ZC3HC1: variants seen among roughly 807,000 people sequenced by gnomAD.
ZC3HC1 encodes zinc finger C3HC-type containing 1, also known as zinc finger C3HC-type protein 1.
Under a neutral mutation model 61.9 loss-of-function variants are expected in ZC3HC1, and 38 were observed. The ratio of observed to expected loss-of-function variants is 0.61; its 90% CI spans 0.47 to 0.81. ZC3HC1 has a LOEUF of 0.81. Among genes scored for constraint, ZC3HC1 ranks in the 30% least tolerant of loss-of-function variants. The pLI, the probability that ZC3HC1 is intolerant of heterozygous loss-of-function variation, is 0.00. For missense variants in ZC3HC1, 554 were observed against 622.7 expected (o/e 0.89, Z 1.17); for synonymous variants, 213 against 229.9 (o/e 0.93, Z 0.67).
rs115613890 is a variant in ZC3HC1, at chr7:130,022,917, C to T, written c.1234-392G>A. The T allele has an allele frequency of 8.2e-4, 229 of 279,876 alleles. 2 individuals carry two copies. Among genetic ancestry groups the T allele is most frequent in the African/African-American group, 5.1e-3 (221 of 43,132 alleles). The allele number at this position is 279,876 out of a possible 1,614,324, so 17.3% of individuals were successfully genotyped here. A position where few individuals can be genotyped will look rare whatever the true frequency, so the allele number is the denominator to read the frequency against. Reference sequence around the variant, plus strand: ...CATTAGATTCTTATAGGAGCAGGAACCCTACTGTGAACTGCACATGAGAGG... The same window carrying T: ...CATTAGATTCTTATAGGAGCAGGAATCCTACTGTGAACTGCACATGAGAGG... On this transcript the variant is annotated intron_variant, in intron 8 of 9. Transcript: ENST00000358303.
At chr7:130,028,163 CAAAAAAAAAAAAAAAAAAAAAAA>C (rs58430072) in intron 5 of ZC3HC1, among the ~76,000 whole-genome samples, 6 of 34,092 alleles carry the variant, frequency 1.8e-4, no homozygotes, top group Admixed American at 1.1e-3. Context: ...GACTCTGTCT[CAAAAAAAAAAAAAAAAAAAAAAA>C]AAAAAAAAAA....
rs1352994120 is a variant in ZC3HC1, at chr7:130,051,300, G to A, written c.67C>T (p.Arg23Cys). The change falls in exon 1 of 10, where the codon CGC becomes TGC. Residue 23 changes from arginine (R) to cysteine (C), a missense_variant. By Grantham distance (180) the Arg-to-Cys change is radical. Coordinates refer to ENST00000358303, the MANE Select transcript of ZC3HC1 (RefSeq NM_016478.5). ...TTCTGGGGGGTCCCTTCTGGGGAGC[G>A]AACTACTGCACCCCAATTCTTTTCA... ...GVEKNWGAVVRSPEGTPQKIR... is the reference protein window; with the variant it reads ...GVEKNWGAVVCSPEGTPQKIR... The A allele has an allele frequency of 6.2e-7, 1 of 1,612,774 alleles. No individual in the cohort carries two copies. The highest frequency in any genetic ancestry group is 8.5e-7 in the Non-Finnish European group (1 of 1,179,486).
At chr7:130,049,670 C>T (rs573663095) in intron 1 of ZC3HC1, among the ~76,000 whole-genome samples, 2 of 151,306 alleles carry the variant, frequency 1.3e-5, no homozygotes, top group African/African-American at 4.8e-5. Flanking sequence ...TCGGCCTCCC[C>T]AGTAGCTGGG....
intron 1 of ZC3HC1, chr7:130,050,368 G>A (rs1795030085): frequency 1.3e-6 from 2 of 1,496,976 alleles, no homozygotes; most frequent in Non-Finnish European, 8.9e-7. Flanking sequence ...GTGAGCCACC[G>A]CGCCCGGCGA....
chr7:130,039,436 G>A, intron 4 of ZC3HC1, 28 bp downstream of exon 4: 1 of 1,570,336 alleles, frequency 6.4e-7, no homozygotes, highest in Non-Finnish European at 8.7e-7. Context: ...AGGAAAAATG[G>A]TGAACAGGAA....
rs1369926516 is a variant in ZC3HC1 at position 130,022,697 on chromosome 7, C to T, written c.1234-172G>A. 2.0e-5 allele frequency among the ~76,000 whole-genome samples: 3 copies of T among 152,110 alleles called. 1 individual carries two copies. The highest frequency in any genetic ancestry group is 4.4e-5 in the Non-Finnish European group (3 of 68,034). On this transcript the variant is annotated intron_variant, in intron 8 of 9. Transcript: ENST00000358303. ...TCCTCTCATTTTCTTTATTTTTTCA[C>T]TCCTTTTGTGTTAAACAAACTATAC...
At chr7:130,040,445 G>T (rs924595326) in intron 3 of ZC3HC1, among the ~76,000 whole-genome samples, 1 of 127,886 alleles carries the variant, frequency 7.8e-6, no homozygotes, top group South Asian at 2.5e-4. Context: ...AGTGAGCCAA[G>T]ATCGCACCAC....
At chr7:130,029,433 T>C (rs1384164730) in intron 4 of ZC3HC1, among the ~76,000 whole-genome samples, 7 of 152,094 alleles carry the variant, frequency 4.6e-5, no homozygotes, top group African/African-American at 1.7e-4. Flanking sequence ...TGAGGAAATA[T>C]AGTAAAATTG....
At chr7:130,047,365 G>C (rs1302797389) in intron 2 of ZC3HC1, among the ~76,000 whole-genome samples, 2 of 152,132 alleles carry the variant, frequency 1.3e-5, no homozygotes, top group African/African-American at 2.4e-5. Context: ...TAAAGTGCTA[G>C]GATTACAGGC....
intron 2 of ZC3HC1, chr7:130,045,209 G>C (rs531393523): frequency 5.6e-6 from 1 of 177,696 alleles, no homozygotes; most frequent in Non-Finnish European, 1.2e-5. Flanking sequence ...CATCACTTTG[G>C]TGGCTTACTT....
chr7:130,018,777 G>C (rs1309197984), intron 9 of ZC3HC1, 45 bp from the exon 10 acceptor site: 1 of 1,523,464 alleles, frequency 6.6e-7, no homozygotes, highest in African/African-American at 1.4e-5. Context: ...TTCTTTTATA[G>C]AGACAAAGGA....
At chr7:130,042,985 TCA>T (rs1355741495) in intron 2 of ZC3HC1, among the ~76,000 whole-genome samples, 1 of 152,128 alleles carries the variant, frequency 6.6e-6, no homozygotes, top group African/African-American at 2.4e-5. Flanking sequence ...TCGCCCAGCT[TCA>T]GTTTTTAATA....
chr7:130,043,855 G>C (rs1794770476), intron 2 of ZC3HC1: 1 of 455,972 alleles, frequency 2.2e-6, no homozygotes, highest in African/African-American at 2.0e-5. Context: ...GGGAGATTAA[G>C]CACATATAGG....
At chr7:130,026,123 T>C (rs764554975) in intron 6 of ZC3HC1, 35 bp downstream of exon 6, 1 of 1,602,552 alleles carries the variant, frequency 6.2e-7, no homozygotes, top group African/African-American at 1.3e-5. Context: ...GCTGTTGTCA[T>C]GGTTCATGTC....
chr7:130,051,152 C>G, intron 1 of ZC3HC1, 69 bp downstream of exon 1: 1 of 1,528,652 alleles, frequency 6.5e-7, no homozygotes, highest in East Asian at 2.4e-5. Flanking sequence ...CCTCCCCCAA[C>G]CCGCCACCCC....
At chr7:130,031,354 C>T (rs1163759489) in intron 4 of ZC3HC1, among the ~76,000 whole-genome samples, 1 of 144,338 alleles carries the variant, frequency 6.9e-6, no homozygotes, top group Admixed American at 7.0e-5. Context: ...AGAAAACCAA[C>T]ATCCCCACAA....
chr7:130,026,335 A>G (rs768781441), intron 5 of ZC3HC1, 23 bp from the exon 6 acceptor site: 2 of 1,591,598 alleles, frequency 1.3e-6, no homozygotes, highest in Non-Finnish European at 1.7e-6. Flanking sequence ...CAAGTAAAAA[A>G]CTTCGTTTCA....
intron 1 of ZC3HC1, chr7:130,050,616 TAGC>T (rs1795038633): frequency 1.2e-6 from 1 of 811,234 alleles, no homozygotes; most frequent in Non-Finnish European, 1.8e-6. Flanking sequence ...ATAGTAGTAT[TAGC>T]AGTACCTGCT....
intron 6 of ZC3HC1, 92 bp from the exon 7 acceptor site, chr7:130,024,598 A>G: frequency 1.4e-6 from 2 of 1,405,684 alleles, no homozygotes; most frequent in Non-Finnish European, 1.9e-6. Context: ...ATCTCATCCA[A>G]TTTCTGGAAC....
Sources: gnomAD v4.1 joint callset for allele counts (sites outside exome capture counted in the v4.1 genomes callset) on GRCh38, gnomAD v4.1.1 for gene constraint, MANE v1.5 for transcripts, NCBI Gene and HGNC (gene_info 2026-07-23, HGNC 2026-07-21) for gene names.